Variants in RAP2A observed in about 807,000 individuals in gnomAD.
The protein encoded by RAP2A is ras-related protein Rap-2a.
Under a neutral mutation model 15.1 loss-of-function variants are expected in RAP2A, and 5 were observed. That is an observed-to-expected ratio of 0.33 (90% CI 0.17 to 0.70). RAP2A has a LOEUF of 0.70. Among genes scored for constraint, RAP2A ranks in the 30% least tolerant of loss-of-function variants. The pLI, the probability that RAP2A is intolerant of heterozygous loss-of-function variation, is 0.68. For synonymous variants in RAP2A, 110 were observed against 99.7 expected (o/e 1.10, Z -0.62); for missense variants, 111 against 240.3 (o/e 0.46, Z 3.56).
rs1555327173 is a variant in RAP2A, at chr13:97,467,688, T to TA, written c.*3247dup. On this transcript the variant is annotated 3_prime_UTR_variant, in exon 2 of 2. Coordinates refer to ENST00000245304, the MANE Select transcript of RAP2A (RefSeq NM_021033.7). The stretch of plus-strand genomic sequence containing the variant: ...AGGACTATGGAGGTCTTTTTTTTTT[T>TA]ATTTAACATGTCATTGTTCATCTAT... 1 of 152,264 alleles carries TA rather than the reference T, an allele frequency of 6.6e-6. No individual in the cohort carries two copies. Among genetic ancestry groups the TA allele is most frequent in the East Asian group, 1.9e-4 (1 of 5,192 alleles). The allele number at this position is 152,264 out of a possible 1,614,324, so 9.4% of individuals were successfully genotyped here. A position where few individuals can be genotyped will look rare whatever the true frequency, so the allele number is the denominator to read the frequency against.
chr13:97,436,395 G>T (rs1290821002), intron 1 of RAP2A, among the ~76,000 whole-genome samples: 1 of 152,030 alleles, frequency 6.6e-6, no homozygotes. Flanking sequence ...CTGATACATT[G>T]CCACATGTCA....
intron 1 of RAP2A, among the ~76,000 whole-genome samples, chr13:97,451,434 A>C (rs2066701938): frequency 6.6e-6 from 1 of 152,134 alleles, no homozygotes; most frequent in Non-Finnish European, 1.5e-5. Flanking sequence ...CATGCCTAGT[A>C]ATGAACTTCT....
At position 97,462,283 on chromosome 13, in the gene RAP2A, C is replaced by G. The variant is rs371920303; in HGVS notation, c.315-1922C>G. 2.0e-5 allele frequency among the ~76,000 whole-genome samples: 3 copies of G among 151,808 alleles called. No homozygotes were observed. In the East Asian group the frequency reaches 5.8e-4, roughly 29 times the overall value. ...AAGTACACTGTGATGTATATACTTT[C>G]ATAAGAAAAACGAAATGTAATTACA... On this transcript the variant is annotated intron_variant, in intron 1 of 1. Transcript: ENST00000245304.
chr13:97,446,991 A>G (rs1440413395), intron 1 of RAP2A, among the ~76,000 whole-genome samples: 1 of 152,206 alleles, frequency 6.6e-6, no homozygotes, highest in Non-Finnish European at 1.5e-5. Context: ...TGGAACAATA[A>G]CACATTTTTA....
intron 1 of RAP2A, among the ~76,000 whole-genome samples, chr13:97,439,685 A>AC (rs2066648927): frequency 6.6e-6 from 1 of 152,196 alleles, no homozygotes; most frequent in Non-Finnish European, 1.5e-5. Context: ...GGGAGAGTAG[A>AC]TGAAACCTAC....
In RAP2A at chr13:97,466,174, C is replaced by G. The variant is rs2066770326; in HGVS notation, c.*1732C>G. 6.7e-6 allele frequency: 1 copy of G among 148,316 alleles called. No individual in the cohort carries two copies. The highest frequency in any genetic ancestry group is 2.5e-5 in the African/African-American group (1 of 40,080). The allele number at this position is 148,316 out of a possible 1,614,324, so 9.2% of individuals were successfully genotyped here. A position where few individuals can be genotyped will look rare whatever the true frequency, so the allele number is the denominator to read the frequency against. ...TTTTATGAAATCATTGGTAGCCCCC[C>G]AAGTGTTTAATAACTGGCATTAAGC... On this transcript the variant is annotated 3_prime_UTR_variant, in exon 2 of 2. Transcript: ENST00000245304.
chr13:97,459,734 G>A (rs1045135705), intron 1 of RAP2A, among the ~76,000 whole-genome samples: 10 of 152,174 alleles, frequency 6.6e-5, no homozygotes, highest in African/African-American at 2.4e-4. Context: ...TGTGGCACCT[G>A]TGCTCCCCAC....
chr13:97,442,401 T>C (rs545982899), intron 1 of RAP2A, among the ~76,000 whole-genome samples: 8 of 152,226 alleles, frequency 5.3e-5, no homozygotes, highest in South Asian at 2.1e-4. Context: ...TATTTTTAAA[T>C]TGTTATCTGT....
intron 1 of RAP2A, among the ~76,000 whole-genome samples, chr13:97,447,043 A>G (rs1434561039): frequency 2.0e-5 from 3 of 152,216 alleles, no homozygotes; most frequent in African/African-American, 4.8e-5. Flanking sequence ...TAAGAGTACT[A>G]TTGATCCTTT....
chr13:97,456,150 C>T (rs1251414859), intron 1 of RAP2A, among the ~76,000 whole-genome samples: 1 of 151,816 alleles, frequency 6.6e-6, no homozygotes, highest in Non-Finnish European at 1.5e-5. Context: ...GTTTTCAGCC[C>T]ACACACATAC....
chr13:97,455,910 C>T (rs1226839322), intron 1 of RAP2A, among the ~76,000 whole-genome samples: 1 of 151,394 alleles, frequency 6.6e-6, no homozygotes, highest in Non-Finnish European at 1.5e-5. Context: ...TGCACTGCCA[C>T]ACAGTTCTTG....
chr13:97,446,190 A>T (rs1252137353), intron 1 of RAP2A, among the ~76,000 whole-genome samples: 2 of 151,920 alleles, frequency 1.3e-5, no homozygotes, highest in Non-Finnish European at 2.9e-5. Flanking sequence ...TATTTACAGT[A>T]CCCCTTTCCA....
intron 1 of RAP2A, among the ~76,000 whole-genome samples, chr13:97,455,720 T>A (rs1426829726): frequency 6.6e-6 from 1 of 151,510 alleles, no homozygotes; most frequent in Non-Finnish European, 1.5e-5. Flanking sequence ...CTGCTTTGAG[T>A]CTTCCCACTC....
chr13:97,464,142 G>A (rs544171159), intron 1 of RAP2A, 63 bp from the exon 2 acceptor site: 19 of 1,533,178 alleles, frequency 1.2e-5, no homozygotes, highest in South Asian at 1.0e-4. Context: ...GAAAATACAC[G>A]TGACCTGTTT....
At chr13:97,451,599 G>A (rs2066702550) in intron 1 of RAP2A, among the ~76,000 whole-genome samples, 1 of 152,148 alleles carries the variant, frequency 6.6e-6, no homozygotes, top group Non-Finnish European at 1.5e-5. Flanking sequence ...ATAGTTTCTA[G>A]GTAGGGGTTA....
chr13:97,446,722 TAGAG>T (rs1466841928), intron 1 of RAP2A, among the ~76,000 whole-genome samples: 3 of 152,100 alleles, frequency 2.0e-5, no homozygotes, highest in Non-Finnish European at 2.9e-5. Context: ...GGAGGCTAGA[TAGAG>T]AGGAGGAGGG....
intron 1 of RAP2A, among the ~76,000 whole-genome samples, chr13:97,460,231 T>C (rs1202867667): frequency 6.6e-6 from 1 of 152,206 alleles, no homozygotes; most frequent in Non-Finnish European, 1.5e-5. Flanking sequence ...TTGGCTTTAC[T>C]CCTGATGCAC....
At position 97,434,642 on chromosome 13, in the gene RAP2A, A is replaced by G; in HGVS notation, c.172A>G (p.Thr58Ala). 1 of 1,614,154 alleles carries G rather than the reference A, an allele frequency of 6.2e-7. No homozygotes were observed. Among genetic ancestry groups the G allele is most frequent in the Non-Finnish European group, 8.5e-7 (1 of 1,180,008 alleles). ...SSPSVLEILDTAGTEQFASMR... is the reference protein window; with the variant it reads ...SSPSVLEILDAAGTEQFASMR... ...GCCGTCGGTGCTGGAGATCCTGGACACGGCGGGCACCGAGCAGTTCGCGTC... is the reference window on the plus strand; with the variant it reads ...GCCGTCGGTGCTGGAGATCCTGGACGCGGCGGGCACCGAGCAGTTCGCGTC... Residue 58 changes from threonine to alanine, a missense_variant, in exon 1 of 2, where the codon ACG (threonine) becomes GCG (alanine). By Grantham distance (58) the Thr-to-Ala change is moderately conservative. Coordinates refer to ENST00000245304, the MANE Select transcript of RAP2A (RefSeq NM_021033.7).
Position 97,434,802 on chromosome 13 carries a change from G to C in RAP2A, c.314+18G>C. The stretch of plus-strand genomic sequence containing the variant: ...GTGAAGCGGTGAGCGAGGGCACACG[G>C]GGGCTTGGCGGCTGCACCCCGGAGT... On this transcript the variant is annotated intron_variant, in intron 1 of 1. Transcript: ENST00000245304. 1.9e-6 allele frequency: 3 copies of C among 1,612,152 alleles called. No individual in the cohort carries two copies. The highest frequency in any genetic ancestry group is 2.5e-6 in the Non-Finnish European group (3 of 1,178,944).
Sources: allele counts gnomAD v4.1 joint callset (sites outside exome capture counted in the v4.1 genomes callset), GRCh38; gene constraint gnomAD v4.1.1; transcripts MANE v1.5; gene names NCBI Gene and HGNC (gene_info 2026-07-23, HGNC 2026-07-21).